Variants in RYR3 observed in about 807,000 individuals in gnomAD.
The protein encoded by RYR3 is ryanodine receptor 3, also known as brain ryanodine receptor-calcium release channel.
A neutral mutation model predicts 584.3 loss-of-function variants in RYR3; 207 were observed. That is an observed-to-expected ratio of 0.35 (90% CI 0.32 to 0.40). The LOEUF (loss-of-function observed/expected upper bound fraction) is 0.40. Ranked by LOEUF, RYR3 falls within the 10% of genes least tolerant of loss-of-function variation. The pLI, the probability that RYR3 is intolerant of heterozygous loss-of-function variation, is 1.00. For missense variants in RYR3, 5,616 were observed against 6,089.2 expected (o/e 0.92, Z 2.59); for synonymous variants, 2,416 against 2,248.5 (o/e 1.07, Z -2.11).
rs2059073759 is a variant in RYR3, at chr15:33,590,425, T to C, written c.1788+4309T>C. ...TACATATGAATTTTAGGATTGTTTT[T>C]TCTAATTCTGTGAATGACACTGGTA... On this transcript the variant is annotated intron_variant, in intron 16 of 103. Transcript: ENST00000634891. 2.6e-5 allele frequency among the ~76,000 whole-genome samples: 4 copies of C among 152,198 alleles called. No homozygotes were observed. In the South Asian group the frequency reaches 8.3e-4, roughly 31 times the overall value.
chr15:33,557,837 G>T (rs1456437670), intron 10 of RYR3, among the ~76,000 whole-genome samples: 2 of 152,150 alleles, frequency 1.3e-5, no homozygotes, highest in Admixed American at 1.3e-4. Flanking sequence ...TTATGACGTG[G>T]TCATGAGCAT....
chr15:33,674,927 A>G (rs1381190723), intron 38 of RYR3, among the ~76,000 whole-genome samples: 2 of 151,244 alleles, frequency 1.3e-5, no homozygotes, highest in Admixed American at 6.6e-5. Flanking sequence ...AAAAAAAAAA[A>G]AGAGTGGTGT....
intron 2 of RYR3, among the ~76,000 whole-genome samples, chr15:33,477,877 GAAAAAAAAAAAA>G (rs58200056): frequency 0.028 from 1,726 of 62,630 alleles, 127 homozygotes; most frequent in African/African-American, 0.16. Flanking sequence ...TCTGTCTCAA[GAAAAAAAAAAAA>G]AAAAAAAAAA....
chr15:33,699,958 G>C lies in RYR3; in HGVS notation c.6379+125G>C, dbSNP rs1022757798. On this transcript the variant is annotated intron_variant, in intron 41 of 103. Coordinates refer to ENST00000634891, the MANE Select transcript of RYR3 (RefSeq NM_001036.6). ...TGTGATATTTGTAAATACTAGAAGA[G>C]ACTCTGCCTGATTTAAAACAATTGA... is the stretch of plus-strand genomic sequence containing the variant. 18 of 912,724 alleles carry C rather than the reference G, an allele frequency of 2.0e-5. No homozygotes were observed. The African/African-American group carries it at 2.7e-4, about 14-fold the overall frequency. 56.5% of individuals were successfully genotyped at this position (912,724 alleles called of 1,614,324 possible).
chr15:33,531,796 A>T (rs2054897853), intron 4 of RYR3, among the ~76,000 whole-genome samples: 1 of 152,080 alleles, frequency 6.6e-6, no homozygotes, highest in South Asian at 2.1e-4. Context: ...GAGTAGGGAA[A>T]CTTTGAACCC....
intron 60 of RYR3, among the ~76,000 whole-genome samples, chr15:33,764,210 G>A (rs1426796290): frequency 3.3e-5 from 5 of 152,128 alleles, no homozygotes; most frequent in African/African-American, 1.2e-4. Context: ...GGATAAAGAA[G>A]ATGTGGCACA....
Position 33,837,004 on chromosome 15 carries a change from T to A in RYR3, c.11650+17T>A, listed in dbSNP as rs372682916. 1.9e-6 allele frequency: 3 copies of A among 1,590,176 alleles called. No individual in the cohort carries two copies. Among genetic ancestry groups the A allele is most frequent in the Non-Finnish European group, 2.6e-6 (3 of 1,159,802 alleles). On this transcript the variant is annotated intron_variant, in intron 88 of 103. Transcript: ENST00000634891. The stretch of plus-strand genomic sequence containing the variant: ...TCCTGGAAGGTTGGGCTGTTTGGTA[T>A]AACTAGGCCTTCACACAACTGTAAT...
intron 12 of RYR3, among the ~76,000 whole-genome samples, chr15:33,571,855 T>C (rs922993265): frequency 1.3e-5 from 2 of 152,188 alleles, no homozygotes; most frequent in African/African-American, 2.4e-5. Context: ...TATGTTTCTT[T>C]TGTTATTTTT....
chr15:33,816,943 A>T lies in RYR3; in HGVS notation c.10584A>T (p.Leu3528=). Residue 3528 remains leucine, a synonymous_variant, in exon 75 of 104, where the codon CTA becomes CTT. Coordinates refer to ENST00000634891, the MANE Select transcript of RYR3 (RefSeq NM_001036.6). ...ETEEYSFEEK[L]VQDLAKSPKV... is the part of the protein sequence containing the mutation. ...AGGAGTATTCCTTTGAAGAGAAACT[A>T]GTACAGGATTTGGCTGTAAGTACTG... 6.2e-7 allele frequency: 1 copy of T among 1,607,032 alleles called. No homozygotes were observed. Among genetic ancestry groups the T allele is most frequent in the Non-Finnish European group, 8.5e-7 (1 of 1,175,222 alleles).
chr15:33,810,096 T>A (rs1403111752), intron 70 of RYR3, among the ~76,000 whole-genome samples: 1 of 152,192 alleles, frequency 6.6e-6, no homozygotes, highest in Non-Finnish European at 1.5e-5. Context: ...GGATACTCTT[T>A]CATATTTTTA....
chr15:33,556,018 A>G (rs1384440751), intron 10 of RYR3, among the ~76,000 whole-genome samples: 1 of 115,530 alleles, frequency 8.7e-6, no homozygotes, highest in African/African-American at 3.6e-5. Context: ...TGATTCCTCA[A>G]GGTTTCTCCA....
intron 1 of RYR3, chr15:33,473,212 G>T: frequency 1.4e-6 from 1 of 704,240 alleles, no homozygotes; most frequent in Non-Finnish European, 2.6e-6. Context: ...CTCACTCCAG[G>T]ATTAAGTAGA....
At chr15:33,730,586 A>G (rs559206479) in intron 47 of RYR3, among the ~76,000 whole-genome samples, 8 of 152,360 alleles carry the variant, frequency 5.3e-5, no homozygotes, top group Non-Finnish European at 8.8e-5. Context: ...TTTTCAAATC[A>G]TAAGTTATAT....
chr15:33,778,564 G>T (rs2074174366), intron 64 of RYR3, among the ~76,000 whole-genome samples: 2 of 152,208 alleles, frequency 1.3e-5, no homozygotes, highest in South Asian at 4.1e-4. Flanking sequence ...GAAATAATCG[G>T]GGAAGAGCAG....
intron 1 of RYR3, among the ~76,000 whole-genome samples, chr15:33,384,541 A>G (rs1414831216): frequency 4.8e-5 from 7 of 146,678 alleles, no homozygotes; most frequent in African/African-American, 1.7e-4. Context: ...AATTTAATTA[A>G]TATTATTTAA....
In RYR3 at chr15:33,755,164, A is replaced by G; in HGVS notation, c.8499A>G (p.Glu2833=). The change falls in exon 58 of 104, where the codon GAA becomes GAG. Residue 2833 remains glutamate, a synonymous_variant. Transcript: ENST00000634891. The part of the protein sequence containing the change: ...KILKYVDSAQ[E]FIAHLEAIVS... ...TGAAATACGTTGATTCTGCTCAAGA[A>G]TTTATTGCCCATTTAGGTAAGTATC... 1 of 1,602,746 alleles carries G rather than the reference A, an allele frequency of 6.2e-7. No homozygotes were observed. The highest frequency in any genetic ancestry group is 8.5e-7 in the Non-Finnish European group (1 of 1,170,738).
intron 37 of RYR3, among the ~76,000 whole-genome samples, chr15:33,670,188 A>G (rs2063758945): frequency 6.6e-6 from 1 of 152,144 alleles, no homozygotes; most frequent in African/African-American, 2.4e-5. Context: ...GATTCAAAAC[A>G]CATGTTTTAG....
chr15:33,852,394 A>G (rs555264090), intron 94 of RYR3: 1 of 152,218 alleles, frequency 6.6e-6, no homozygotes, highest in East Asian at 1.9e-4. Context: ...CAGAGAGAAG[A>G]AAGATCATCT....
Position 33,543,681 on chromosome 15 carries a change from A to T in RYR3, c.706A>T (p.Ile236Leu), listed in dbSNP as rs1308190151. 3 of 1,612,776 alleles carry T rather than the reference A, an allele frequency of 1.9e-6. No individual in the cohort carries two copies. In the African/African-American group the frequency reaches 4.0e-5, roughly 22 times the overall value. The change falls in exon 8 of 104, where the codon ATA becomes TTA. Residue 236 changes from isoleucine (I) to leucine (L), a missense_variant. This residue lies in a region of RYR3 where 1,284 missense variants were observed against 1,344.6 expected (regional missense o/e 0.95). Coordinates refer to ENST00000634891, the MANE Select transcript of RYR3 (RefSeq NM_001036.6). ...LFHGHDECLT[I>L]PSTDQNDSQH... ...CCATGGTCATGATGAATGTTTGACGATACCATCTACAGACCAGAATGATTC... is the reference window on the plus strand; with the variant it reads ...CCATGGTCATGATGAATGTTTGACGTTACCATCTACAGACCAGAATGATTC...
Sources: allele counts gnomAD v4.1 joint callset (sites outside exome capture counted in the v4.1 genomes callset), GRCh38; gene constraint gnomAD v4.1.1; regional missense constraint gnomAD v4.1.1; transcripts MANE v1.5; gene names NCBI Gene and HGNC (gene_info 2026-07-23, HGNC 2026-07-21).